Variants in MRPL38 observed in about 807,000 individuals in gnomAD.
MRPL38 encodes the protein large ribosomal subunit protein mL38.
A neutral mutation model predicts 52.1 loss-of-function variants in MRPL38; 51 were observed. The observed-to-expected ratio is 0.98, with a 90% confidence interval of 0.78 to 1.24. The LOEUF (loss-of-function observed/expected upper bound fraction) is 1.24, where lower values mean the gene tolerates loss of function less well. MRPL38 is among the 50% of genes most tolerant of loss of function. The probability of loss-of-function intolerance (pLI) is 0.00; values close to 1 mark genes in which losing one functional copy is unlikely to be tolerated. For synonymous variants in MRPL38, 245 were observed against 212.7 expected, an observed-to-expected ratio of 1.15 and a Z score of -1.32; for missense variants, 527 against 518.6, an observed-to-expected ratio of 1.02 and a Z score of -0.16.
intron 2 of MRPL38, among the ~76,000 whole-genome samples, chr17:75,902,948 G>T (rs943282511): frequency 1.3e-5 from 2 of 152,072 alleles, no homozygotes; most frequent in Non-Finnish European, 2.9e-5. Flanking sequence ...TGGAGGCTGT[G>T]TTTTTCTGAT....
chr17:75,902,249 G>A (rs1567853387), intron 2 of MRPL38, 95 bp from the exon 3 acceptor site: 2 of 1,340,774 alleles, frequency 1.5e-6, no homozygotes, highest in East Asian at 2.5e-5. Context: ...GGCTACAAGT[G>A]TACACCATCT....
Position 75,899,266 on chromosome 17 carries a change from T to C in MRPL38, c.898A>G (p.Thr300Ala). ...CYQLAQRTFR[T>A]FDFYKKHQET... is the part of the protein sequence containing the mutation. ...TGGTGTTTCTTGTAGAAATCAAAAGTGCGGAAGGTCCGCTGGGCCAGCTGA... is the reference window on the plus strand; with the variant it reads ...TGGTGTTTCTTGTAGAAATCAAAAGCGCGGAAGGTCCGCTGGGCCAGCTGA... Residue 300 changes from threonine (T) to alanine (A), a missense_variant, in exon 8 of 9, where the codon ACT becomes GCT. Physicochemically the swap from Thr to Ala is moderately conservative, Grantham distance 58. Coordinates refer to ENST00000309352, the MANE Select transcript of MRPL38 (RefSeq NM_032478.4). The C allele has an allele frequency of 6.2e-7, 1 of 1,612,550 alleles. No individual in the cohort carries two copies. The highest frequency in any genetic ancestry group is 8.5e-7 in the Non-Finnish European group (1 of 1,179,496).
In MRPL38 at chr17:75,904,573, G is replaced by C; in HGVS notation, c.214C>G (p.Arg72Gly). ...EQEAQAPHWW[R>G]TYREYFGEKT... is the part of the protein sequence containing the mutation. ...TCCCCGAAATACTCTCGGTAGGTCC[G>C]CCACCAGTGCGGGGCCTGCGCCTCC... is the stretch of plus-strand genomic sequence containing the variant. Residue 72 changes from arginine (R) to glycine (G), a missense_variant, in exon 2 of 9, where the codon CGG (arginine) becomes GGG (glycine). Transcript: ENST00000309352. The C allele has an allele frequency of 6.3e-7, 1 of 1,576,402 alleles. No homozygotes were observed. The highest frequency in any genetic ancestry group is 1.1e-5 in the South Asian group (1 of 88,082).
intron 1 of MRPL38, 40 bp downstream of exon 1, chr17:75,904,769 A>AGGGGGGGGGGGGG: frequency 6.6e-6 from 3 of 454,462 alleles, no homozygotes; most frequent in Non-Finnish European, 1.0e-5. Context: ...CTCGGGCGAC[A>AGGGGGGGGGGGGG]GCCCCCCCCC....
chr17:75,900,783 C>A, intron 6 of MRPL38, 199 bp downstream of exon 6: 1 of 1,400,678 alleles, frequency 7.1e-7, no homozygotes. Context: ...CCGAGGCCTA[C>A]TGCAAACTTT....
At position 75,898,721 on chromosome 17, in the gene MRPL38, A is replaced by T; in HGVS notation, c.*129T>A. On this transcript the variant is annotated 3_prime_UTR_variant, in exon 9 of 9. Coordinates refer to ENST00000309352, the MANE Select transcript of MRPL38 (RefSeq NM_032478.4). ...ACTTTCACTCCAAGCCCTGGGCCTG[A>T]CGGGAGGGGGCCAAAGAGGGGGGCT... The T allele has an allele frequency of 9.0e-7, 1 of 1,114,376 alleles. No homozygotes were observed. Among genetic ancestry groups the T allele is most frequent in the Non-Finnish European group, 1.3e-6 (1 of 777,968 alleles). 69.0% of individuals were successfully genotyped at this position (1,114,376 alleles called of 1,614,324 possible). A position where few individuals can be genotyped will look rare whatever the true frequency, so the allele number is the denominator to read the frequency against.
chr17:75,898,824 C>A lies in MRPL38; in HGVS notation c.*26G>T. 1 of 1,610,896 alleles carries A rather than the reference C, an allele frequency of 6.2e-7. No individual in the cohort carries two copies. Among genetic ancestry groups the A allele is most frequent in the African/African-American group, 1.3e-5 (1 of 75,012 alleles). On this transcript the variant is annotated 3_prime_UTR_variant, in exon 9 of 9. Transcript: ENST00000309352. ...ACTCTTGCTGCCGATCAATCCCATG[C>A]TCTGAAATGCGCACACTCTGGCTCC...
rs1457899576 is a variant in MRPL38, at chr17:75,901,080, C to T, written c.665-53G>A. 4 of 1,599,042 alleles carry T rather than the reference C, an allele frequency of 2.5e-6. No homozygotes were observed. Among genetic ancestry groups the T allele is most frequent in the Non-Finnish European group, 3.4e-6 (4 of 1,173,720 alleles). On this transcript the variant is annotated intron_variant, in intron 5 of 8. Coordinates refer to ENST00000309352, the MANE Select transcript of MRPL38 (RefSeq NM_032478.4). This position sits in a 1 kb window ranked among gnomAD's most constrained non-coding sequence, Gnocchi z 5.7. Reference sequence around the variant, plus strand: ...GGCCCAGCCGACCACGGCCCTGCCACCCCCTCCCTTGTTAGGAGCCAGCGC... The same window carrying T: ...GGCCCAGCCGACCACGGCCCTGCCATCCCCTCCCTTGTTAGGAGCCAGCGC...
Position 75,902,137 on chromosome 17 carries a change from C to T in MRPL38, c.265G>A (p.Asp89Asn). The change falls in exon 3 of 9, where the codon GAT becomes AAT. Residue 89 changes from aspartate (D) to asparagine (N), a missense_variant. Physicochemically the swap from Asp to Asn is conservative, Grantham distance 23. Coordinates refer to ENST00000309352, the MANE Select transcript of MRPL38 (RefSeq NM_032478.4). The stretch of plus-strand genomic sequence containing the variant: ...ACTTTGGGTGGAGGCAGCCCAATAT[C>T]AATCTTCTCTTTGGGATCTGGAGTG... ...GEKTDPKEKI[D>N]IGLPPPKVSR... 1 of 1,565,692 alleles carries T rather than the reference C, an allele frequency of 6.4e-7. No homozygotes were observed. The highest frequency in any genetic ancestry group is 8.7e-7 in the Non-Finnish European group (1 of 1,155,084).
At chr17:75,904,255 C>A in intron 2 of MRPL38, 1 of 603,340 alleles carries the variant, frequency 1.7e-6, no homozygotes, top group Non-Finnish European at 3.2e-6. Context: ...GAACGGCATC[C>A]CAATCCGGAA....
rs1169840150 is a variant in MRPL38, at chr17:75,899,267, G to A, written c.897C>T (p.Arg299=). ...PCYQLAQRTF[R]TFDFYKKHQE... is the part of the protein sequence containing the mutation. ...GGTGTTTCTTGTAGAAATCAAAAGT[G>A]CGGAAGGTCCGCTGGGCCAGCTGAT... Residue 299 remains arginine, a synonymous_variant, in exon 8 of 9, where the codon CGC becomes CGT. Coordinates refer to ENST00000309352, the MANE Select transcript of MRPL38 (RefSeq NM_032478.4). The A allele has an allele frequency of 2.5e-6, 4 of 1,612,708 alleles. 1 individual carries two copies. In the Admixed American group the frequency reaches 5.0e-5, roughly 20 times the overall value.
chr17:75,899,107 C>A, intron 8 of MRPL38, 51 bp downstream of exon 8: 1 of 1,559,818 alleles, frequency 6.4e-7, no homozygotes, highest in Non-Finnish European at 8.7e-7. Context: ...GCAGGGCAGG[C>A]GAGGCCTGGG....
chr17:75,900,614 AG>A, intron 6 of MRPL38: 2 of 292,540 alleles, frequency 6.8e-6, no homozygotes, highest in Non-Finnish European at 1.1e-5. Flanking sequence ...CCAGCTACTC[AG>A]GAGACTGAGG....
rs1300201938 is a variant in MRPL38, at chr17:75,899,627, G to C, written c.758C>G (p.Pro253Arg). ...NRVAEGQVTC[P>R]YLPPFPARGS... ...TCGGGCAGGGAAGGGGGGGAGGTAG[G>C]GACACGTCACCTGTCCTTCAGCCAC... Residue 253 changes from proline (P) to arginine (R), a missense_variant, in exon 7 of 9, where the codon CCC becomes CGC. By Grantham distance (103) the Pro-to-Arg change is moderately radical. Transcript: ENST00000309352. The C allele has an allele frequency of 2.5e-6, 4 of 1,603,826 alleles. No homozygotes were observed. In the Admixed American group the frequency reaches 6.8e-5, roughly 27 times the overall value.
chr17:75,902,370 TG>T, intron 2 of MRPL38: 1 of 588,290 alleles, frequency 1.7e-6, no homozygotes, highest in Non-Finnish European at 3.0e-6. Context: ...CCCACAGTGT[TG>T]GGATTACAGT....
chr17:75,900,191 T>TG (rs1196504094), intron 6 of MRPL38: 3 of 152,320 alleles, frequency 2.0e-5, no homozygotes, highest in Admixed American at 6.5e-5. Flanking sequence ...GGCTCAAAGT[T>TG]GGGGTCACTG....
chr17:75,902,246 A>G lies in MRPL38; in HGVS notation c.248-92T>C. On this transcript the variant is annotated intron_variant, in intron 2 of 8. Transcript: ENST00000309352. ...AGTCTCCTGAGTAGCTGGGGCTACA[A>G]GTGTACACCATCTCATCTGGCTAAT... 8 of 1,351,840 alleles carry G rather than the reference A, an allele frequency of 5.9e-6. No individual in the cohort carries two copies. In the South Asian group the frequency reaches 7.0e-5, roughly 12 times the overall value. The allele number at this position is 1,351,840 out of a possible 1,614,324, so 83.7% of individuals were successfully genotyped here. A position where few individuals can be genotyped will look rare whatever the true frequency, so the allele number is the denominator to read the frequency against.
chr17:75,902,324 A>T lies in MRPL38; in HGVS notation c.248-170T>A, dbSNP rs537809091. On this transcript the variant is annotated intron_variant, in intron 2 of 8. Coordinates refer to ENST00000309352, the MANE Select transcript of MRPL38 (RefSeq NM_032478.4). ...TTGCCACATTGCCCAGGCTGGTATG[A>T]ACTCTTGGGCTCAAGTGATCTGCCT... 2.2e-4 allele frequency: 156 copies of T among 715,430 alleles called. No individual in the cohort carries two copies. The African/African-American group carries it at 2.5e-3, about 11-fold the overall frequency. The allele number at this position is 715,430 out of a possible 1,614,324, so 44.3% of individuals were successfully genotyped here.
rs781726146 is a variant in MRPL38, at chr17:75,901,171, C to T, written c.664+30G>A. ...CCTGGCTCATAGGAGGTGAGCGGGG[C>T]AGGAGGCCTGGTGAGCCCCAGACAC... On this transcript the variant is annotated intron_variant, in intron 5 of 8. Transcript: ENST00000309352. This position sits in a 1 kb window ranked among gnomAD's most constrained non-coding sequence, Gnocchi z 5.7. 3 of 1,612,026 alleles carry T rather than the reference C, an allele frequency of 1.9e-6. No individual in the cohort carries two copies. The highest frequency in any genetic ancestry group is 3.3e-5 in the Admixed American group (2 of 59,868).
Sources: gnomAD v4.1 joint callset for allele counts (sites outside exome capture counted in the v4.1 genomes callset) on GRCh38, gnomAD v4.1.1 for gene constraint, Gnocchi (gnomAD v3.1) non-coding constraint, MANE v1.5 for transcripts, NCBI Gene and HGNC (gene_info 2026-07-23, HGNC 2026-07-21) for gene names.